KLRD1: variants seen among roughly 807,000 people sequenced by gnomAD.
KLRD1 encodes the protein natural killer cells antigen CD94.
A neutral mutation model predicts 22.6 loss-of-function variants in KLRD1; 21 were observed. The observed-to-expected ratio is 0.93, with a 90% CI of 0.66 to 1.34. The LOEUF is 1.34. Ranked by LOEUF, KLRD1 falls within the 40% of genes most tolerant of loss-of-function variation. The probability of loss-of-function intolerance (pLI) is 0.00; values close to 1 mark genes in which losing one functional copy is unlikely to be tolerated. For synonymous variants in KLRD1, 59 were observed against 71.1 expected, an observed-to-expected ratio of 0.83 and a Z score of 0.85; for missense variants, 183 against 208.6, an observed-to-expected ratio of 0.88 and a Z score of 0.76.
chr12:10,310,578 T>C (rs1254280728), intron 3 of KLRD1, among the ~76,000 whole-genome samples: 1 of 152,132 alleles, frequency 6.6e-6, no homozygotes, highest in African/African-American at 2.4e-5. Context: ...GGTAGGCATA[T>C]TACTTGAGGT....
chr12:10,240,158 T>C (rs1439348973), intron 1 of KLRD1, among the ~76,000 whole-genome samples: 1 of 151,870 alleles, frequency 6.6e-6, no homozygotes, highest in African/African-American at 2.4e-5. Context: ...CCTCCCAGGC[T>C]CAAGCTACCT....
chr12:10,294,876 G>A (rs1949808303), intron 1 of KLRD1, among the ~76,000 whole-genome samples: 1 of 152,116 alleles, frequency 6.6e-6, no homozygotes, highest in East Asian at 1.9e-4. Context: ...TATATTATGT[G>A]ACTATATACG....
intron 1 of KLRD1, among the ~76,000 whole-genome samples, chr12:10,250,601 G>A (rs1949337941): frequency 6.6e-6 from 1 of 151,926 alleles, no homozygotes; most frequent in Non-Finnish European, 1.5e-5. Context: ...GGGACTACAG[G>A]CTCCCGCCAC....
intron 1 of KLRD1, among the ~76,000 whole-genome samples, chr12:10,264,198 G>A (rs977791821): frequency 1.3e-5 from 2 of 152,028 alleles, no homozygotes; most frequent in Non-Finnish European, 2.9e-5. Context: ...ATCCACTGAA[G>A]GTTTCCCTTC....
In KLRD1 at chr12:10,316,332, AC is replaced by A. The variant is rs1054576954; in HGVS notation, c.*1542del. 8.5e-5 allele frequency: 13 copies of A among 152,070 alleles called. No homozygotes were observed. The highest frequency in any genetic ancestry group is 3.1e-4 in the African/African-American group (13 of 41,352). 9.4% of individuals were successfully genotyped at this position (152,070 alleles called of 1,614,324 possible). A position where few individuals can be genotyped will look rare whatever the true frequency, so the allele number is the denominator to read the frequency against. ...ACCACTTTAGAGTTATGCCTACTGT[AC>A]CCACATAATCCTAAAAATATGTTAC... On this transcript the variant is annotated 3_prime_UTR_variant, in exon 6 of 6. Transcript: ENST00000336164.
chr12:10,280,999 G>T (rs1949635979), intron 1 of KLRD1, among the ~76,000 whole-genome samples: 2 of 152,136 alleles, frequency 1.3e-5, no homozygotes, highest in African/African-American at 4.8e-5. Context: ...AGTATATCCA[G>T]GTCATAATCA....
At chr12:10,257,482 CTTTTTTT>C (rs56871156) in intron 1 of KLRD1, among the ~76,000 whole-genome samples, 4 of 97,388 alleles carry the variant, frequency 4.1e-5, no homozygotes, top group Non-Finnish European at 6.3e-5. Flanking sequence ...GTAGCTGATT[CTTTTTTT>C]TTTTTTTTTT....
At position 10,309,620 on chromosome 12, in the gene KLRD1, T is replaced by A. The variant is rs1054669907; in HGVS notation, c.101-6T>A. The stretch of plus-strand genomic sequence containing the variant: ...AATTAAACAAATTTCTAATCATTTC[T>A]TATAGCTTTTACTAAACTGAGTATT... On this transcript the variant is annotated splice_polypyrimidine_tract_variant and splice_region_variant and intron_variant, in intron 2 of 5. Coordinates refer to ENST00000336164, the MANE Select transcript of KLRD1 (RefSeq NM_002262.5). 23 of 1,605,588 alleles carry A rather than the reference T, an allele frequency of 1.4e-5. No homozygotes were observed. Among genetic ancestry groups the A allele is most frequent in the Middle Eastern group, 3.3e-4 (2 of 6,058 alleles).
intron 1 of KLRD1, among the ~76,000 whole-genome samples, chr12:10,251,841 G>A (rs1423630626): frequency 6.6e-6 from 1 of 152,128 alleles, no homozygotes; most frequent in Non-Finnish European, 1.5e-5. Flanking sequence ...GGACCTGACA[G>A]GAAGCAGAGC....
At chr12:10,264,246 G>T (rs1393873319) in intron 1 of KLRD1, among the ~76,000 whole-genome samples, 2 of 152,026 alleles carry the variant, frequency 1.3e-5, no homozygotes, top group Non-Finnish European at 2.9e-5. Flanking sequence ...CTTATTTGAT[G>T]CAGGGAACTA....
In KLRD1 at chr12:10,328,459, G is replaced by A. The variant is rs866781418; in HGVS notation, c.*13666G>A. The A allele has an allele frequency of 4.6e-5, 7 of 151,670 alleles. 1 individual carries two copies. The South Asian group carries it at 1.5e-3, about 31-fold the overall frequency. 9.4% of individuals were successfully genotyped at this position (151,670 alleles called of 1,614,324 possible). A position where few individuals can be genotyped will look rare whatever the true frequency, so the allele number is the denominator to read the frequency against. The stretch of plus-strand genomic sequence containing the variant: ...TGTTGGCCTATAATTGTTCTTAGTT[G>A]TCTCTTACCATCTTTTATATTTCTG... On this transcript the variant is annotated 3_prime_UTR_variant, in exon 6 of 6. Coordinates refer to ENST00000336164, the MANE Select transcript of KLRD1 (RefSeq NM_002262.5).
chr12:10,290,324 A>G (rs1949755759), intron 1 of KLRD1, among the ~76,000 whole-genome samples: 1 of 152,230 alleles, frequency 6.6e-6, no homozygotes, highest in Non-Finnish European at 1.5e-5. Context: ...AGCAAGACCT[A>G]TAAAGTCCAC....
chr12:10,300,609 A>G (rs924956520), upstream of KLRD1, among the ~76,000 whole-genome samples: 12 of 152,312 alleles, frequency 7.9e-5, no homozygotes, highest in African/African-American at 2.6e-4. Context: ...TAAGTGAGCA[A>G]TGGTTTCAAC....
In KLRD1 at chr12:10,318,233, G is replaced by GGCCAAGA. The variant is rs1950272011; in HGVS notation, c.*3440_*3441insGCCAAGA. On this transcript the variant is annotated 3_prime_UTR_variant, in exon 6 of 6. Transcript: ENST00000336164. ...TTGACTCTTGGCCATGATATGGGTAGTAGGCTAACTAACTAGCTAACAAAT... is the reference window on the plus strand; with the variant it reads ...TTGACTCTTGGCCATGATATGGGTAGGCCAAGATAGGCTAACTAACTAGCTAACAAAT... 1 of 152,196 alleles carries GGCCAAGA rather than the reference G, an allele frequency of 6.6e-6. No homozygotes were observed. Among genetic ancestry groups the GGCCAAGA allele is most frequent in the South Asian group, 2.1e-4 (1 of 4,832 alleles). The allele number at this position is 152,196 out of a possible 1,614,324, so 9.4% of individuals were successfully genotyped here. A position where few individuals can be genotyped will look rare whatever the true frequency, so the allele number is the denominator to read the frequency against.
In KLRD1 at chr12:10,309,698, A is replaced by G; in HGVS notation, c.163+10A>G. 1 of 1,604,262 alleles carries G rather than the reference A, an allele frequency of 6.2e-7. No homozygotes were observed. On this transcript the variant is annotated intron_variant, in intron 3 of 5. Transcript: ENST00000336164. ...ATAGAACTCCAGAAAGGTAGGTCAC[A>G]TTTTTTGGAAAACTTAGCATTGGTA... is the stretch of plus-strand genomic sequence containing the variant.
rs1236436478 is a variant in KLRD1, at chr12:10,239,585, T to TTTTC, written c.-101+13366_-101+13369dup. On this transcript the variant is annotated intron_variant, in intron 1 of 5. Coordinates refer to the KLRD1 transcript ENST00000544747. ...TTTCTTTCTTTCTTTCTTTCTTTCT[T>TTTTC]TTTCTTTCTTTCTTTCTCTCTCTTT... is the stretch of plus-strand genomic sequence containing the variant. Among the ~76,000 whole-genome samples, 6 of 126,814 alleles carry TTTTC rather than the reference T, an allele frequency of 4.7e-5. No homozygotes were observed. The South Asian group carries it at 1.5e-3, about 32-fold the overall frequency. 83.2% of individuals were successfully genotyped at this position (126,814 alleles called of 152,430 possible). A position where few individuals can be genotyped will look rare whatever the true frequency, so the allele number is the denominator to read the frequency against.
chr12:10,312,129 T>C (rs567315253), intron 4 of KLRD1, among the ~76,000 whole-genome samples: 1 of 149,992 alleles, frequency 6.7e-6, no homozygotes, highest in Non-Finnish European at 1.5e-5. Context: ...TTCAGCTCAC[T>C]GCAGCCTCCA....
intron 3 of KLRD1, among the ~76,000 whole-genome samples, chr12:10,310,896 C>T (rs367582683): frequency 5.3e-5 from 8 of 152,244 alleles, no homozygotes; most frequent in South Asian, 4.2e-4. Flanking sequence ...GGGTAACAAA[C>T]GTTGAAGACA....
chr12:10,256,205 T>A (rs74062130), intron 1 of KLRD1, among the ~76,000 whole-genome samples: 2,323 of 152,074 alleles, frequency 0.015, 58 homozygotes, highest in African/African-American at 0.052. Context: ...TGTTTTCAGG[T>A]CTGAAGTGAG....
Sources: allele counts gnomAD v4.1 joint callset (sites outside exome capture counted in the v4.1 genomes callset), GRCh38; gene constraint gnomAD v4.1.1; transcripts MANE v1.5; gene names NCBI Gene and HGNC (gene_info 2026-07-23, HGNC 2026-07-21).